Variants in DNMT3B observed in about 807,000 individuals in gnomAD.
The protein encoded by DNMT3B is DNA methyltransferase 3 beta.
Under a neutral mutation model 120.2 loss-of-function variants are expected in DNMT3B, and 37 were observed. That is an observed-to-expected ratio of 0.31 (90% confidence interval 0.24 to 0.40). DNMT3B has a LOEUF of 0.40. Ranked by LOEUF, DNMT3B falls within the 10% of genes least tolerant of loss-of-function variation. The probability of loss-of-function intolerance (pLI) is 1.00; values close to 1 mark genes in which losing one functional copy is unlikely to be tolerated. For synonymous variants in DNMT3B, 412 were observed against 442.8 expected (o/e 0.93, Z 0.87); for missense variants, 878 against 1,137.3 (o/e 0.77, Z 3.28).
intron 1 of DNMT3B, among the ~76,000 whole-genome samples, chr20:32,774,142 C>T (rs1183520352): frequency 7.2e-5 from 11 of 151,890 alleles, no homozygotes; most frequent in African/African-American, 2.2e-4. Context: ...GGATCCTTCC[C>T]GCTCTCTACT....
intron 18 of DNMT3B, 23 bp downstream of exon 18, chr20:32,800,948 G>A: frequency 6.2e-7 from 1 of 1,612,744 alleles, no homozygotes; most frequent in Non-Finnish European, 8.5e-7. Context: ...CTCTCTGGCA[G>A]TCCCTGGAGA....
At position 32,784,814 on chromosome 20, in the gene DNMT3B, GCCAAAGCTCTTCCGGGAAA is replaced by G; in HGVS notation, c.265_283del (p.Lys89GlyfsTer52). The stretch of plus-strand genomic sequence containing the variant: ...GGGATGGCTCTGACACCCCAGTCAT[GCCAAAGCTCTTCCGGGAAA>G]CCAGGACTCGTTCAGAAAGCCCAGC... On this transcript the variant is annotated frameshift_variant, in exon 4 of 23. Transcript: ENST00000328111. LOFTEE classifies it high-confidence loss of function. 1 of 1,614,126 alleles carries G rather than the reference GCCAAAGCTCTTCCGGGAAA, an allele frequency of 6.2e-7. No individual in the cohort carries two copies. Among genetic ancestry groups the G allele is most frequent in the Non-Finnish European group, 8.5e-7 (1 of 1,180,026 alleles).
intron 19 of DNMT3B, among the ~76,000 whole-genome samples, chr20:32,802,041 C>A (rs535609590): frequency 1.3e-4 from 20 of 152,200 alleles, no homozygotes; most frequent in African/African-American, 4.6e-4. Flanking sequence ...CTGCTTTAGA[C>A]CAGGCACAGT....
Position 32,795,525 on chromosome 20 carries a change from C to A in DNMT3B, c.1243C>A (p.Gln415Lys). 6.2e-7 allele frequency: 1 copy of A among 1,614,162 alleles called. No homozygotes were observed. Among genetic ancestry groups the A allele is most frequent in the Non-Finnish European group, 8.5e-7 (1 of 1,180,024 alleles). ...CGGCAAAGACCGAGGGGATGAAGAT[C>A]AGAGCCGAGGTGATTGTTGGGTACC... Reference protein sequence around the residue: ...NNGKDRGDEDQSREQMASDVA... With the variant: ...NNGKDRGDEDKSREQMASDVA... The change falls in exon 11 of 23, where the codon CAG becomes AAG. Residue 415 changes from glutamine to lysine, a missense_variant. Transcript: ENST00000328111.
intron 1 of DNMT3B, among the ~76,000 whole-genome samples, chr20:32,765,427 T>TTTC (rs1987266236): frequency 1.4e-5 from 1 of 70,524 alleles, no homozygotes. Context: ...TTTTTCTTTC[T>TTTC]TTTTTTTTTT....
chr20:32,786,483 T>C lies in DNMT3B; in HGVS notation c.307-19T>C. 1 of 1,613,950 alleles carries C rather than the reference T, an allele frequency of 6.2e-7. No individual in the cohort carries two copies. Among genetic ancestry groups the C allele is most frequent in the Non-Finnish European group, 8.5e-7 (1 of 1,179,986 alleles). ...CTCCAGTCACCTAAGGCCCAGTGAG[T>C]GTCCTCTCTTGCTTCTAGGTCCGAA... is the stretch of plus-strand genomic sequence containing the variant. On this transcript the variant is annotated intron_variant, in intron 4 of 22. Coordinates refer to ENST00000328111, the MANE Select transcript of DNMT3B (RefSeq NM_006892.4).
intron 20 of DNMT3B, among the ~76,000 whole-genome samples, chr20:32,803,150 C>T (rs1420867298): frequency 2.0e-5 from 3 of 152,186 alleles, no homozygotes; most frequent in African/African-American, 2.4e-5. Flanking sequence ...ATTTTGTTAT[C>T]GTATACTAAA....
At chr20:32,801,540 C>T (rs1981341929) in intron 19 of DNMT3B, 114 bp downstream of exon 19, 1 of 1,408,002 alleles carries the variant, frequency 7.1e-7, no homozygotes, top group Non-Finnish European at 9.9e-7. Context: ...CGTTCTTGGT[C>T]TGGCTAGATC....
At chr20:32,800,725 G>T in intron 17 of DNMT3B, 110 bp from the exon 18 acceptor site, 1 of 1,240,866 alleles carries the variant, frequency 8.1e-7, no homozygotes, top group Non-Finnish European at 1.2e-6. Flanking sequence ...GCCTTCCTGG[G>T]ATTACAGGTG....
chr20:32,803,283 T>C (rs1431828997), intron 20 of DNMT3B, among the ~76,000 whole-genome samples: 2 of 152,218 alleles, frequency 1.3e-5, no homozygotes, highest in African/African-American at 2.4e-5. Context: ...TATGGTAATG[T>C]GACATCCCAG....
intron 4 of DNMT3B, among the ~76,000 whole-genome samples, chr20:32,785,481 G>A (rs1979163416): frequency 6.6e-6 from 1 of 152,166 alleles, no homozygotes; most frequent in Non-Finnish European, 1.5e-5. Context: ...CCATTTCTGT[G>A]GGTGGATTTT....
intron 10 of DNMT3B, among the ~76,000 whole-genome samples, chr20:32,793,827 A>G (rs1980281573): frequency 6.6e-6 from 1 of 152,016 alleles, no homozygotes; most frequent in African/African-American, 2.4e-5. Flanking sequence ...TTTCCCCTTT[A>G]TTAATATTAA....
chr20:32,792,795 A>G, intron 9 of DNMT3B, 25 bp downstream of exon 9: 1 of 1,613,576 alleles, frequency 6.2e-7, no homozygotes, highest in South Asian at 1.1e-5. Context: ...CCATGGCAGC[A>G]CCCGCTGCCT....
rs184708670 is a variant in DNMT3B, at chr20:32,783,596, A to G, written c.205-1162A>G. ...GGCCAACCTACTTAGGGGACTCAGA[A>G]GGTGGGGAACCTAAGCCCTGGGAGG... On this transcript the variant is annotated intron_variant, in intron 3 of 22. Transcript: ENST00000328111. 2.0e-3 allele frequency among the ~76,000 whole-genome samples: 304 copies of G among 152,158 alleles called. 5 individuals carry two copies. The highest frequency in any genetic ancestry group is 6.8e-3 in the African/African-American group (283 of 41,516).
intron 20 of DNMT3B, among the ~76,000 whole-genome samples, chr20:32,802,933 C>T (rs963990908): frequency 6.6e-6 from 1 of 152,212 alleles, no homozygotes; most frequent in East Asian, 1.9e-4. Flanking sequence ...TGTTGATGCT[C>T]CTGCCCTTCA....
chr20:32,781,527 C>A, intron 3 of DNMT3B, 113 bp downstream of exon 3: 1 of 1,125,964 alleles, frequency 8.9e-7, no homozygotes, highest in East Asian at 2.4e-5. Flanking sequence ...TGGAGGGTTG[C>A]CGAGCTAGAT....
At chr20:32,803,003 C>T (rs148727949) in intron 20 of DNMT3B, among the ~76,000 whole-genome samples, 64 of 152,268 alleles carry the variant, frequency 4.2e-4, no homozygotes, top group African/African-American at 1.3e-3. Context: ...TTGTTGTTAC[C>T]GGTGCCTTTC....
At chr20:32,773,117 CTTTTT>C (rs11449585) in intron 1 of DNMT3B, among the ~76,000 whole-genome samples, 1 of 143,934 alleles carries the variant, frequency 6.9e-6, no homozygotes, top group Non-Finnish European at 1.5e-5. Context: ...CTGTGCCTGG[CTTTTT>C]TTTTTTTTGA....
At chr20:32,805,571 CAG>C (rs947459609) in intron 21 of DNMT3B, among the ~76,000 whole-genome samples, 164 bp downstream of exon 21, 1 of 151,740 alleles carries the variant, frequency 6.6e-6, no homozygotes, top group Non-Finnish European at 1.5e-5. Context: ...TCCTCAAATA[CAG>C]AGACTAGGAG....
Sources: gnomAD v4.1 joint callset for allele counts (sites outside exome capture counted in the v4.1 genomes callset) on GRCh38, gnomAD v4.1.1 for gene constraint, MANE v1.5 for transcripts, NCBI Gene and HGNC (gene_info 2026-07-23, HGNC 2026-07-21) for gene names.